CNTLN: variants seen among roughly 807,000 people sequenced by gnomAD.
The protein encoded by CNTLN is centlein, centrosomal protein.
Under a neutral mutation model 180.0 loss-of-function variants are expected in CNTLN, and 212 were observed. The observed-to-expected ratio is 1.18, with a 90% CI of 1.05 to 1.32. CNTLN has a LOEUF of 1.32. Among genes scored for constraint, CNTLN ranks in the 40% most tolerant of loss-of-function variants. The pLI is 0.00. For synonymous variants in CNTLN, 722 were observed against 563.1 expected (o/e 1.28, Z -3.99); for missense variants, 2,095 against 1,610.9 (o/e 1.30, Z -5.14).
intron 2 of CNTLN, among the ~76,000 whole-genome samples, chr9:17,213,919 C>T (rs1417162937): frequency 6.6e-6 from 1 of 152,120 alleles, no homozygotes; most frequent in Non-Finnish European, 1.5e-5. Flanking sequence ...AGATCTTCCT[C>T]CTTCCCTTTA....
rs145619133 is a variant in CNTLN at position 17,500,458 on chromosome 9, G to A, written c.4120-2093G>A. 2.5e-3 allele frequency among the ~76,000 whole-genome samples: 375 copies of A among 152,290 alleles called. 1 individual carries two copies. Among genetic ancestry groups the A allele is most frequent in the African/African-American group, 8.9e-3 (368 of 41,550 alleles). ...CCAACACATTGTGGACTGGTGAAAG[G>A]TCTGTGACATTATTACACAGGAAAT... On this transcript the variant is annotated intron_variant, in intron 25 of 25. Coordinates refer to ENST00000380647, the MANE Select transcript of CNTLN (RefSeq NM_017738.4).
At chr9:17,463,505 A>G (rs1018137255) in intron 20 of CNTLN, among the ~76,000 whole-genome samples, 1 of 151,612 alleles carries the variant, frequency 6.6e-6, no homozygotes, top group Admixed American at 6.6e-5. Flanking sequence ...TTCTTTCTGT[A>G]TCTTTCAAAG....
chr9:17,138,587 A>G (rs996086213), intron 1 of CNTLN, among the ~76,000 whole-genome samples: 2 of 152,190 alleles, frequency 1.3e-5, no homozygotes, highest in African/African-American at 4.8e-5. Context: ...AGTTGTTTGT[A>G]GCTGTATTCT....
chr9:17,457,495 T>C, intron 18 of CNTLN, 29 bp from the exon 19 acceptor site: 3 of 1,175,798 alleles, frequency 2.6e-6, no homozygotes, highest in Non-Finnish European at 3.3e-6. Context: ...AAAATATATT[T>C]ATATTTATTT....
chr9:17,193,167 G>A (rs2131821792), intron 2 of CNTLN, among the ~76,000 whole-genome samples: 1 of 152,190 alleles, frequency 6.6e-6, no homozygotes, highest in Non-Finnish European at 1.5e-5. Context: ...ATGAGATTTG[G>A]GTGGGGACAC....
intron 13 of CNTLN, among the ~76,000 whole-genome samples, chr9:17,387,684 T>TG: frequency 1.3e-5 from 2 of 152,086 alleles, no homozygotes; most frequent in South Asian, 4.2e-4. Flanking sequence ...ATCCTTCACT[T>TG]GAAAAAAAGG....
chr9:17,268,130 A>C (rs527350187), intron 5 of CNTLN, among the ~76,000 whole-genome samples: 50 of 151,938 alleles, frequency 3.3e-4, no homozygotes, highest in African/African-American at 1.1e-3. Context: ...TAGAGTTTCC[A>C]GTTTTTCTTC....
intron 19 of CNTLN, among the ~76,000 whole-genome samples, chr9:17,461,080 T>C (rs1015557995): frequency 6.6e-6 from 1 of 151,526 alleles, no homozygotes; most frequent in African/African-American, 2.4e-5. Context: ...AGTAGACGTT[T>C]ATATCACAGT....
intron 5 of CNTLN, among the ~76,000 whole-genome samples, chr9:17,257,293 A>G (rs1289307243): frequency 6.6e-6 from 1 of 152,130 alleles, no homozygotes; most frequent in Non-Finnish European, 1.5e-5. Flanking sequence ...ATGTCCCTAC[A>G]AAGGACATGA....
intron 12 of CNTLN, among the ~76,000 whole-genome samples, chr9:17,342,661 T>A (rs1821577525): frequency 6.6e-6 from 1 of 152,318 alleles, no homozygotes; most frequent in African/African-American, 2.4e-5. Flanking sequence ...CTGGATAATA[T>A]GATCTAGGGA....
intron 14 of CNTLN, among the ~76,000 whole-genome samples, chr9:17,391,683 C>T (rs1407059119): frequency 2.0e-5 from 3 of 152,014 alleles, no homozygotes; most frequent in Non-Finnish European, 4.4e-5. Flanking sequence ...TTGAAATATA[C>T]AGCTGATTTA....
rs2133212607 is a variant in CNTLN at position 17,341,936 on chromosome 9, G to C, written c.1767-389G>C. Among the ~76,000 whole-genome samples, 2 of 152,178 alleles carry C rather than the reference G, an allele frequency of 1.3e-5. 1 individual carries two copies. Among genetic ancestry groups the C allele is most frequent in the South Asian group, 4.1e-4 (2 of 4,832 alleles). On this transcript the variant is annotated intron_variant, in intron 11 of 25. Transcript: ENST00000380647. ...TTCACTGGTAATAGTTTTTTTAAAA[G>C]ATAAAGGCATCTGTACCACATTCAT...
chr9:17,148,479 G>C (rs895241169), intron 2 of CNTLN, among the ~76,000 whole-genome samples: 1 of 152,196 alleles, frequency 6.6e-6, no homozygotes, highest in South Asian at 2.1e-4. Context: ...TCGAACTCTT[G>C]GCCAAAAGCA....
chr9:17,342,167 T>TTAG (rs1821531662), intron 11 of CNTLN, among the ~76,000 whole-genome samples, 158 bp from the exon 12 acceptor site: 1 of 152,182 alleles, frequency 6.6e-6, no homozygotes, highest in Admixed American at 6.5e-5. Context: ...GGGTTTTGAT[T>TTAG]TCTACATGCT....
chr9:17,324,850 T>C (rs1820156207), intron 8 of CNTLN, among the ~76,000 whole-genome samples: 1 of 152,094 alleles, frequency 6.6e-6, no homozygotes, highest in East Asian at 1.9e-4. Context: ...TATTACTGAA[T>C]TTTGCTATAA....
At chr9:17,420,117 G>A (rs930860585) in intron 18 of CNTLN, among the ~76,000 whole-genome samples, 62 of 152,132 alleles carry the variant, frequency 4.1e-4, no homozygotes, top group African/African-American at 1.4e-3. Flanking sequence ...GTTTCACCAT[G>A]TTGGCTAGGG....
intron 2 of CNTLN, among the ~76,000 whole-genome samples, chr9:17,203,836 C>T (rs2131900773): frequency 6.6e-6 from 1 of 152,350 alleles, no homozygotes; most frequent in East Asian, 1.9e-4. Flanking sequence ...GGATTACAGG[C>T]TTGAGCCACC....
At chr9:17,424,864 G>A (rs1278795342) in intron 18 of CNTLN, among the ~76,000 whole-genome samples, 1 of 152,174 alleles carries the variant, frequency 6.6e-6, no homozygotes, top group Non-Finnish European at 1.5e-5. Context: ...CCAGATGCCG[G>A]AACCATGCTC....
intron 18 of CNTLN, among the ~76,000 whole-genome samples, chr9:17,429,113 A>G (rs1829260841): frequency 6.6e-6 from 1 of 152,054 alleles, no homozygotes; most frequent in South Asian, 2.1e-4. Context: ...CTTTATAGTA[A>G]TAATTAAAAA....
Sources: allele counts gnomAD v4.1 joint callset (sites outside exome capture counted in the v4.1 genomes callset), GRCh38; gene constraint gnomAD v4.1.1; transcripts MANE v1.5; gene names NCBI Gene and HGNC (gene_info 2026-07-23, HGNC 2026-07-21).